EXOC3: variants seen among roughly 807,000 people sequenced by gnomAD.
The protein encoded by EXOC3 is exocyst complex component 3.
Under a neutral mutation model 73.7 loss-of-function variants are expected in EXOC3, and 21 were observed. The observed-to-expected ratio is 0.29, with a 90% CI of 0.20 to 0.41. The LOEUF (loss-of-function observed/expected upper bound fraction) is 0.41, where lower values mean the gene tolerates loss of function less well. Among genes scored for constraint, EXOC3 ranks in the 10% least tolerant of loss-of-function variants. The pLI, the probability that EXOC3 is intolerant of heterozygous loss-of-function variation, is 1.00. For synonymous variants in EXOC3, 410 were observed against 389.1 expected (o/e 1.05, Z -0.63); for missense variants, 842 against 985.1 (o/e 0.85, Z 1.95).
At chr5:451,958 G>A (rs1433854747) in intron 3 of EXOC3, among the ~76,000 whole-genome samples, 1 of 152,214 alleles carries the variant, frequency 6.6e-6, no homozygotes, top group Non-Finnish European at 1.5e-5. Context: ...TTTCTGACAA[G>A]TTGCTGCTTT....
At chr5:456,706 C>T (rs905541905) in intron 4 of EXOC3, among the ~76,000 whole-genome samples, 183 bp from the exon 5 acceptor site, 2 of 152,062 alleles carry the variant, frequency 1.3e-5, no homozygotes, top group Non-Finnish European at 2.9e-5. Context: ...GGGGTGATGC[C>T]ACAGAGACCC....
chr5:455,105 G>A (rs1737772711), intron 4 of EXOC3, among the ~76,000 whole-genome samples: 3 of 152,066 alleles, frequency 2.0e-5, no homozygotes, highest in African/African-American at 2.4e-5. Context: ...CCTGGCTGCC[G>A]CTCATCCTCA....
intron 6 of EXOC3, among the ~76,000 whole-genome samples, chr5:458,314 C>T (rs917152763): frequency 3.9e-5 from 6 of 152,170 alleles, no homozygotes; most frequent in Non-Finnish European, 8.8e-5. Flanking sequence ...TATTTATGTG[C>T]GACTTTCAAA....
At chr5:456,475 C>T (rs756805243) in intron 4 of EXOC3, among the ~76,000 whole-genome samples, 2 of 152,134 alleles carry the variant, frequency 1.3e-5, no homozygotes, top group Non-Finnish European at 2.9e-5. Context: ...TGCCTCGGCT[C>T]TGCAGGTGCA....
At chr5:464,088 G>C (rs1190976762) in intron 9 of EXOC3, among the ~76,000 whole-genome samples, 1 of 152,214 alleles carries the variant, frequency 6.6e-6, no homozygotes, top group Admixed American at 6.5e-5. Flanking sequence ...CTCAGTGCTC[G>C]TGGGACGTTG....
chr5:456,310 A>C (rs1737806545), intron 4 of EXOC3, among the ~76,000 whole-genome samples: 1 of 152,132 alleles, frequency 6.6e-6, no homozygotes, highest in Admixed American at 6.5e-5. Flanking sequence ...TATTTTTTGA[A>C]ATTTTTATTA....
At chr5:457,370 C>G in intron 5 of EXOC3, 1 of 284,626 alleles carries the variant, frequency 3.5e-6, no homozygotes, top group Non-Finnish European at 6.8e-6. Context: ...AGTCCATTTG[C>G]AGCCTGGTGA....
intron 10 of EXOC3, 86 bp from the exon 11 acceptor site, chr5:465,025 C>A: frequency 7.1e-7 from 1 of 1,403,760 alleles, no homozygotes; most frequent in Non-Finnish European, 9.4e-7. Context: ...CGGGGAGCCA[C>A]CGGGAGCCCC....
chr5:465,961 G>T (rs1560941654), intron 12 of EXOC3, 116 bp downstream of exon 12: 2 of 1,151,572 alleles, frequency 1.7e-6, no homozygotes, highest in Non-Finnish European at 2.4e-6. Context: ...CTGCAGCACG[G>T]CAAGGGTTCA....
chr5:456,074 G>A (rs1011075103), intron 4 of EXOC3, among the ~76,000 whole-genome samples: 1 of 152,200 alleles, frequency 6.6e-6, no homozygotes, highest in Non-Finnish European at 1.5e-5. Context: ...GATGTGGACT[G>A]CAGTGGCTTG....
chr5:462,400 C>A, intron 9 of EXOC3, 93 bp downstream of exon 9: 1 of 1,422,454 alleles, frequency 7.0e-7, no homozygotes, highest in Non-Finnish European at 9.8e-7. Context: ...CTGTACCGTG[C>A]GGATGCCGTC....
chr5:466,938 G>A lies in EXOC3; in HGVS notation c.*40G>A. 2 of 1,544,894 alleles carry A rather than the reference G, an allele frequency of 1.3e-6. No individual in the cohort carries two copies. The highest frequency in any genetic ancestry group is 2.4e-5 in the South Asian group (2 of 84,118). ...CCCTGCTCGCCCCTCCACAGCCTCG[G>A]TCCCTGCCTTTAGAAACGCGGGACA... On this transcript the variant is annotated 3_prime_UTR_variant, in exon 13 of 13. Transcript: ENST00000512944.
Position 454,053 on chromosome 5 carries a change from T to C in EXOC3, c.1046+2T>C. 1 of 1,593,122 alleles carries C rather than the reference T, an allele frequency of 6.3e-7. No homozygotes were observed. Among genetic ancestry groups the C allele is most frequent in the South Asian group, 1.1e-5 (1 of 88,472 alleles). On this transcript the variant is annotated splice_donor_variant, in intron 4 of 12. Transcript: ENST00000512944. LOFTEE classifies it high-confidence loss of function. ...GTGGGTCTTAAACACCTACACAAGG[T>C]AAAGCTAACCTGGCGCCTGTGTTGG...
At position 464,323 on chromosome 5, in the gene EXOC3, C is replaced by T; in HGVS notation, c.1687C>T (p.Leu563=). 1 of 1,613,282 alleles carries T rather than the reference C, an allele frequency of 6.2e-7. No individual in the cohort carries two copies. Among genetic ancestry groups the T allele is most frequent in the Non-Finnish European group, 8.5e-7 (1 of 1,179,250 alleles). The part of the protein sequence containing the change: ...HLNELMTKKW[L]LGSNAVDIIC... ...GAATGAATTGATGACGAAGAAGTGG[C>T]TATTAGGGTCAAACGCTGTAGACAT... The change falls in exon 10 of 13, where the codon CTA becomes TTA. Residue 563 remains leucine (L), a synonymous_variant. Transcript: ENST00000512944.
chr5:456,234 C>T (rs1737804080), intron 4 of EXOC3, among the ~76,000 whole-genome samples: 1 of 152,222 alleles, frequency 6.6e-6, no homozygotes, highest in South Asian at 2.1e-4. Flanking sequence ...CCTTCATGCT[C>T]TAAATCATTT....
At chr5:448,193 G>A (rs368498796) in intron 3 of EXOC3, among the ~76,000 whole-genome samples, 174 of 152,340 alleles carry the variant, frequency 1.1e-3, no homozygotes, top group African/African-American at 3.9e-3. Context: ...TCCCAGGCAG[G>A]AGGAGAAGCG....
chr5:463,073 C>G (rs1325023616), intron 9 of EXOC3, among the ~76,000 whole-genome samples: 1 of 152,174 alleles, frequency 6.6e-6, no homozygotes, highest in African/African-American at 2.4e-5. Flanking sequence ...CCATTGCACT[C>G]CAGCCTGGGC....
chr5:455,042 C>T (rs1416595761), intron 4 of EXOC3, among the ~76,000 whole-genome samples: 1 of 152,136 alleles, frequency 6.6e-6, no homozygotes, highest in Non-Finnish European at 1.5e-5. Flanking sequence ...TCTGTGCAAC[C>T]GTGGCGCTCT....
rs1560933097 is a variant in EXOC3 at position 443,239 on chromosome 5, GGC to G, written c.-106_-105del. On this transcript the variant is annotated 5_prime_UTR_variant, in exon 1 of 13. Coordinates refer to ENST00000512944, the MANE Select transcript of EXOC3 (RefSeq NM_007277.5). ...CGGAGGGGGCGGCGGGGGCGGCGGC[GGC>G]GGCGGCGGCGGCGGCGGCGGCGGCG... The G allele has an allele frequency of 0.055, 328 of 5,914 alleles. 4 individuals are homozygous for G. The highest frequency in any genetic ancestry group is 0.16 in the African/African-American group (139 of 878). 0.4% of individuals were successfully genotyped at this position (5,914 alleles called of 1,614,324 possible). A position where few individuals can be genotyped will look rare whatever the true frequency, so the allele number is the denominator to read the frequency against.
Sources: allele counts gnomAD v4.1 joint callset (sites outside exome capture counted in the v4.1 genomes callset), GRCh38; gene constraint gnomAD v4.1.1; transcripts MANE v1.5; gene names NCBI Gene and HGNC (gene_info 2026-07-23, HGNC 2026-07-21).